Variants in RGS7BP observed in about 807,000 individuals in gnomAD.
RGS7BP encodes regulator of G protein signaling 7-binding protein.
A neutral mutation model predicts 31.3 loss-of-function variants in RGS7BP; 9 were observed. The ratio of observed to expected loss-of-function variants is 0.29; its 90% CI spans 0.17 to 0.50. The LOEUF is 0.50. RGS7BP is among the 20% of genes least tolerant of loss of function. RGS7BP has a pLI of 0.98. For synonymous variants in RGS7BP, 115 were observed against 120.1 expected (o/e 0.96, Z 0.28); for missense variants, 274 against 322.0 (o/e 0.85, Z 1.14).
rs1429867877 is a variant in RGS7BP at position 64,606,031 on chromosome 5, TATATATATAGAG to T, written c.683-3128_683-3117del. 7.6e-3 allele frequency among the ~76,000 whole-genome samples: 1,057 copies of T among 138,628 alleles called. 21 individuals are homozygous for T. Among genetic ancestry groups the T allele is most frequent in the Middle Eastern group, 0.02 (5 of 248 alleles). The allele number at this position is 138,628 out of a possible 152,430, so 90.9% of individuals were successfully genotyped here. A position where few individuals can be genotyped will look rare whatever the true frequency, so the allele number is the denominator to read the frequency against. ...ATGTATATCTGGATACATATATATA[TATATATATAGAG>T]AGAGAGAGAGAGAGAGAAGGCTGAG... On this transcript the variant is annotated intron_variant, in intron 5 of 5. Coordinates refer to ENST00000334025, the MANE Select transcript of RGS7BP (RefSeq NM_001029875.3).
chr5:64,544,975 G>A (rs1741617036), intron 2 of RGS7BP, among the ~76,000 whole-genome samples: 1 of 152,116 alleles, frequency 6.6e-6, no homozygotes, highest in African/African-American at 2.4e-5. Context: ...AGGAGATTGA[G>A]ACCGTACTGG....
chr5:64,544,958 C>T (rs757355906), intron 2 of RGS7BP, among the ~76,000 whole-genome samples: 16 of 152,046 alleles, frequency 1.1e-4, no homozygotes, highest in Non-Finnish European at 1.9e-4. Flanking sequence ...AGGTAAATCA[C>T]GAGGTCAGGA....
At chr5:64,524,524 T>C (rs1414242397) in intron 2 of RGS7BP, among the ~76,000 whole-genome samples, 2 of 152,274 alleles carry the variant, frequency 1.3e-5, no homozygotes, top group South Asian at 2.1e-4. Flanking sequence ...TCTATGAAAA[T>C]TTAATTTTTT....
At chr5:64,562,972 A>G (rs1366278972) in intron 2 of RGS7BP, among the ~76,000 whole-genome samples, 1 of 151,844 alleles carries the variant, frequency 6.6e-6, no homozygotes, top group African/African-American at 2.4e-5. Flanking sequence ...TAGAAAACAC[A>G]TTTTCTAAGA....
At chr5:64,536,683 C>T (rs78606997) in intron 2 of RGS7BP, among the ~76,000 whole-genome samples, 2,203 of 152,266 alleles carry the variant, frequency 0.014, 56 homozygotes, top group African/African-American at 0.048. Context: ...TCTGTGAAAC[C>T]TATTGACTAA....
intron 2 of RGS7BP, among the ~76,000 whole-genome samples, chr5:64,516,683 G>C (rs777384332): frequency 1.3e-5 from 2 of 152,164 alleles, no homozygotes; most frequent in African/African-American, 4.8e-5. Flanking sequence ...CCTCTGGGGA[G>C]GTAAGGATAG....
At chr5:64,536,552 A>T (rs376912690) in intron 2 of RGS7BP, among the ~76,000 whole-genome samples, 4 of 152,236 alleles carry the variant, frequency 2.6e-5, no homozygotes, top group African/African-American at 9.6e-5. Context: ...AATCACAGAC[A>T]TTACTTTCAA....
intron 2 of RGS7BP, among the ~76,000 whole-genome samples, chr5:64,533,946 C>CAT (rs1749439499): frequency 6.6e-6 from 1 of 152,100 alleles, no homozygotes; most frequent in Non-Finnish European, 1.5e-5. Flanking sequence ...CCAGAGGGGA[C>CAT]ATATGATAAA....
intron 3 of RGS7BP, among the ~76,000 whole-genome samples, chr5:64,590,534 T>C (rs1173189401): frequency 6.6e-6 from 1 of 152,106 alleles, no homozygotes; most frequent in Non-Finnish European, 1.5e-5. Flanking sequence ...ATTATCAAAA[T>C]TAATGTAAGA....
At position 64,594,857 on chromosome 5, in the gene RGS7BP, G is replaced by T. The variant is rs754640215; in HGVS notation, c.611G>T (p.Arg204Ile). The change falls in exon 4 of 6, where the codon AGA (arginine) becomes ATA (isoleucine). Residue 204 changes from arginine (R) to isoleucine (I), a missense_variant and splice_region_variant. By Grantham distance (97) the Arg-to-Ile change is moderately conservative (BLOSUM62 -3). Coordinates refer to ENST00000334025, the MANE Select transcript of RGS7BP (RefSeq NM_001029875.3). ...TCCACAGACATTGAGAACACTGAAA[G>T]GTAAGTGGGAAGTTACCCTGAATAG... ...QVSTDIENTE[R>I]DMREMKNLLS... 11 of 1,613,346 alleles carry T rather than the reference G, an allele frequency of 6.8e-6. No individual in the cohort carries two copies. The highest frequency in any genetic ancestry group is 9.3e-6 in the Non-Finnish European group (11 of 1,179,658).
chr5:64,599,731 T>G (rs1480591624), intron 5 of RGS7BP, among the ~76,000 whole-genome samples: 4 of 152,220 alleles, frequency 2.6e-5, no homozygotes, highest in Admixed American at 6.5e-5. Flanking sequence ...ATAAGCACAG[T>G]GTTTAGAACA....
rs150994103 is a variant in RGS7BP, at chr5:64,511,709, A to T, written c.332+3832A>T. 8.0e-3 allele frequency among the ~76,000 whole-genome samples: 1,223 copies of T among 152,310 alleles called. 17 individuals carry two copies. The highest frequency in any genetic ancestry group is 0.027 in the African/African-American group (1,107 of 41,562). Reference sequence around the variant, plus strand: ...AGGAGTCTAAGATTCAGAGGATTTAAGTGACTTTTGAGGCAACTTGACAAA... The same window carrying T: ...AGGAGTCTAAGATTCAGAGGATTTATGTGACTTTTGAGGCAACTTGACAAA... On this transcript the variant is annotated intron_variant, in intron 2 of 5. Transcript: ENST00000334025.
At chr5:64,596,374 T>A (rs1294315305) in intron 4 of RGS7BP, among the ~76,000 whole-genome samples, 3 of 152,162 alleles carry the variant, frequency 2.0e-5, no homozygotes, top group African/African-American at 7.2e-5. Flanking sequence ...CAGGAGGGAA[T>A]TCTTAAAATA....
chr5:64,575,283 T>A (rs10067169), intron 2 of RGS7BP, among the ~76,000 whole-genome samples: 1 of 152,130 alleles, frequency 6.6e-6, no homozygotes, highest in African/African-American at 2.4e-5. Flanking sequence ...AAAGGAAGAA[T>A]CTTTAGACTG....
intron 2 of RGS7BP, among the ~76,000 whole-genome samples, chr5:64,543,469 G>A (rs1741575669): frequency 6.6e-6 from 1 of 152,188 alleles, no homozygotes. Flanking sequence ...ACACCATGAG[G>A]ATTCTCTGTT....
chr5:64,580,507 G>A (rs935278266), intron 3 of RGS7BP, among the ~76,000 whole-genome samples: 1 of 151,894 alleles, frequency 6.6e-6, no homozygotes, highest in African/African-American at 2.4e-5. Context: ...AGGTGGTGGA[G>A]GTAGCAGGAG....
intron 2 of RGS7BP, among the ~76,000 whole-genome samples, chr5:64,521,405 C>T (rs1016287506): frequency 2.6e-5 from 4 of 152,084 alleles, no homozygotes; most frequent in Admixed American, 6.5e-5. Context: ...TACAGGCATG[C>T]GCCACCACAC....
intron 2 of RGS7BP, among the ~76,000 whole-genome samples, chr5:64,512,075 T>C (rs1052869856): frequency 6.6e-6 from 1 of 152,166 alleles, no homozygotes; most frequent in Non-Finnish European, 1.5e-5. Context: ...GCCAACATCC[T>C]CCAGCACACC....
At chr5:64,590,545 A>C (rs1375912456) in intron 3 of RGS7BP, among the ~76,000 whole-genome samples, 3 of 152,180 alleles carry the variant, frequency 2.0e-5, no homozygotes, top group African/African-American at 4.8e-5. Flanking sequence ...TAATGTAAGA[A>C]GAGAAAACAT....
Sources: gnomAD v4.1 joint callset for allele counts (sites outside exome capture counted in the v4.1 genomes callset) on GRCh38, gnomAD v4.1.1 for gene constraint, MANE v1.5 for transcripts, NCBI Gene and HGNC (gene_info 2026-07-23, HGNC 2026-07-21) for gene names.